The following PSD3 variants were observed in gnomAD, a reference collection of about 807,000 sequenced individuals.
PSD3 encodes the protein PH and SEC7 domain-containing protein 3.
Under a neutral mutation model 105.5 loss-of-function variants are expected in PSD3, and 49 were observed. That is an observed-to-expected ratio of 0.46 (90% CI 0.37 to 0.59). The LOEUF is 0.59. PSD3 is among the 20% of genes least tolerant of loss of function. The probability of loss-of-function intolerance (pLI) is 0.00; values close to 1 mark genes in which losing one functional copy is unlikely to be tolerated. For missense variants in PSD3, 1,561 were observed against 1,263.8 expected, an observed-to-expected ratio of 1.24 and a Z score of -3.57; for synonymous variants, 557 against 457.8, an observed-to-expected ratio of 1.22 and a Z score of -2.77.
intron 4 of PSD3, among the ~76,000 whole-genome samples, chr8:18,805,535 T>C (rs1358462737): frequency 3.3e-5 from 5 of 152,204 alleles, no homozygotes; most frequent in Non-Finnish European, 7.3e-5. Flanking sequence ...AGACAAGTGG[T>C]AGTTTCTTAA....
chr8:18,825,488 T>C (rs951855473), intron 4 of PSD3, among the ~76,000 whole-genome samples: 2 of 152,216 alleles, frequency 1.3e-5, no homozygotes, highest in African/African-American at 2.4e-5. Flanking sequence ...CGTAACTACC[T>C]TGTATTTTAT....
chr8:18,886,908 T>C (rs1818482414), intron 2 of PSD3: 1 of 152,206 alleles, frequency 6.6e-6, no homozygotes, highest in South Asian at 2.1e-4. Flanking sequence ...CCTGTCTGCC[T>C]CTGCCGCTCT....
chr8:18,987,455 T>C (rs1586582734), intron 1 of PSD3, among the ~76,000 whole-genome samples: 4 of 152,126 alleles, frequency 2.6e-5, no homozygotes, highest in African/African-American at 9.6e-5. Context: ...GCCTGGCTAA[T>C]TTTTTGTATT....
chr8:19,059,242 G>A (rs920882578), intron 1 of PSD3, among the ~76,000 whole-genome samples: 9 of 152,202 alleles, frequency 5.9e-5, no homozygotes, highest in Admixed American at 2.6e-4. Flanking sequence ...CCAGGAAATG[G>A]TGCCACAACA....
intron 8 of PSD3, among the ~76,000 whole-genome samples, chr8:18,784,799 G>C (rs143497051): frequency 3.9e-5 from 6 of 152,170 alleles, no homozygotes; most frequent in South Asian, 2.1e-4. Context: ...CAAGCACATA[G>C]ATGTACTTGC....
rs187112037 is a variant in PSD3, at chr8:19,041,272, C to T, written c.324+42934G>A. ...CCTCCTGTAAACCAGAGGCAAACTG[C>T]GAAATGCATTAACTCAGAGAAGAAC... On this transcript the variant is annotated intron_variant, in intron 1 of 1. Transcript: ENST00000521475. 9.2e-5 allele frequency among the ~76,000 whole-genome samples: 14 copies of T among 152,222 alleles called. No homozygotes were observed. The South Asian group carries it at 1.9e-3, about 20-fold the overall frequency.
At chr8:18,696,625 T>A (rs1438517293) in intron 9 of PSD3, among the ~76,000 whole-genome samples, 3 of 152,332 alleles carry the variant, frequency 2.0e-5, no homozygotes, top group African/African-American at 7.2e-5. Flanking sequence ...AAGGTCTTAG[T>A]ACATTATAAT....
intron 9 of PSD3, among the ~76,000 whole-genome samples, chr8:18,700,485 T>C (rs1270279473): frequency 6.6e-6 from 1 of 152,204 alleles, no homozygotes; most frequent in African/African-American, 2.4e-5. Context: ...TCTCCCATGC[T>C]TAAACCTTTC....
At chr8:18,679,432 C>T (rs1169979723) in intron 9 of PSD3, among the ~76,000 whole-genome samples, 2 of 152,224 alleles carry the variant, frequency 1.3e-5, no homozygotes, top group Non-Finnish European at 2.9e-5. Flanking sequence ...GAGCAAAGGA[C>T]TTCCATTTTC....
intron 12 of PSD3, among the ~76,000 whole-genome samples, chr8:18,599,323 T>G (rs916878647): frequency 2.0e-5 from 3 of 152,188 alleles, no homozygotes; most frequent in Non-Finnish European, 4.4e-5. Flanking sequence ...TACATTGCTT[T>G]GGAAAACCAT....
intron 1 of PSD3, among the ~76,000 whole-genome samples, chr8:18,974,678 A>C (rs1332535402): frequency 6.6e-6 from 1 of 151,944 alleles, no homozygotes; most frequent in African/African-American, 2.4e-5. Context: ...AAGTCAAAAA[A>C]AAAAAACAAA....
At chr8:18,624,297 C>A (rs1197542718) in intron 11 of PSD3, among the ~76,000 whole-genome samples, 1 of 151,920 alleles carries the variant, frequency 6.6e-6, no homozygotes, top group African/African-American at 2.4e-5. Context: ...GTCAAGGTAA[C>A]ATGTGAAATG....
intron 15 of PSD3, among the ~76,000 whole-genome samples, chr8:18,550,437 G>A (rs1337709580): frequency 6.6e-6 from 1 of 152,120 alleles, no homozygotes; most frequent in Non-Finnish European, 1.5e-5. Context: ...TACATCTCTA[G>A]CTTTTGACTC....
intron 9 of PSD3, among the ~76,000 whole-genome samples, chr8:18,744,193 T>C (rs2129435502): frequency 6.6e-6 from 1 of 152,336 alleles, no homozygotes; most frequent in East Asian, 1.9e-4. Context: ...ATGTGCCAAG[T>C]ATCATCCTGT....
At chr8:18,734,605 C>T (rs546788154) in intron 9 of PSD3, among the ~76,000 whole-genome samples, 6 of 152,178 alleles carry the variant, frequency 3.9e-5, no homozygotes, top group African/African-American at 1.2e-4. Context: ...ACAGTAAACA[C>T]GGCAAATAAA....
chr8:18,941,215 A>T (rs9918893), intron 1 of PSD3, among the ~76,000 whole-genome samples: 46,129 of 152,164 alleles, frequency 0.3, 8,838 homozygotes, highest in Non-Finnish European at 0.43. Flanking sequence ...AGTATGGAAC[A>T]TGAAACATTA....
chr8:18,616,770 C>A (rs986638809), intron 11 of PSD3, among the ~76,000 whole-genome samples: 6 of 150,606 alleles, frequency 4.0e-5, no homozygotes, highest in Non-Finnish European at 1.5e-5. Context: ...ACTACAGGCG[C>A]CCGCCACCAC....
At chr8:18,595,456 G>C (rs1359055920) in intron 12 of PSD3, among the ~76,000 whole-genome samples, 1 of 142,476 alleles carries the variant, frequency 7.0e-6, no homozygotes, top group Non-Finnish European at 1.6e-5. Flanking sequence ...GAGAGAGACA[G>C]AGAGACAGAG....
chr8:18,728,380 T>C (rs1803484999), intron 9 of PSD3, among the ~76,000 whole-genome samples: 1 of 152,182 alleles, frequency 6.6e-6, no homozygotes, highest in African/African-American at 2.4e-5. Context: ...CTACCACAGG[T>C]GCACATAGAA....
Sources: allele counts gnomAD v4.1 joint callset (sites outside exome capture counted in the v4.1 genomes callset), GRCh38; gene constraint gnomAD v4.1.1; transcripts MANE v1.5; gene names NCBI Gene and HGNC (gene_info 2026-07-23, HGNC 2026-07-21).